The following BMS1 variants were observed in gnomAD, a reference collection of about 807,000 sequenced individuals.
BMS1 encodes the protein ribosome biogenesis protein BMS1 homolog.
A neutral mutation model predicts 138.7 loss-of-function variants in BMS1; 53 were observed. That is an observed-to-expected ratio of 0.38 (90% CI 0.31 to 0.48). The LOEUF (loss-of-function observed/expected upper bound fraction) is 0.48, where lower values mean the gene tolerates loss of function less well. Ranked by LOEUF, BMS1 falls within the 20% of genes least tolerant of loss-of-function variation. The pLI, the probability that BMS1 is intolerant of heterozygous loss-of-function variation, is 0.97. For synonymous variants in BMS1, 504 were observed against 539.9 expected (o/e 0.93, Z 0.92); for missense variants, 1,360 against 1,565.5 (o/e 0.87, Z 2.22).
rs777059603 is a variant in BMS1, at chr10:42,785,616, G to A, written c.311G>A (p.Arg104Gln). 8 of 1,613,782 alleles carry A rather than the reference G, an allele frequency of 5.0e-6. No homozygotes were observed. Among genetic ancestry groups the A allele is most frequent in the African/African-American group, 2.7e-5 (2 of 74,890 alleles). Residue 104 changes from arginine to glutamine, a missense_variant, in exon 3 of 23, where the codon CGG becomes CAG. Arg to Gln is a conservative substitution (Grantham distance 43). Coordinates refer to ENST00000374518, the MANE Select transcript of BMS1 (RefSeq NM_014753.4). ...AGCACTTTGATACAATGCCTCATTCGGAACTTTACCCGGCAGAAGTTGACT... is the reference window on the plus strand; with the variant it reads ...AGCACTTTGATACAATGCCTCATTCAGAACTTTACCCGGCAGAAGTTGACT... ...GKSTLIQCLI[R>Q]NFTRQKLTEI...
chr10:42,795,373 G>A (rs1841647707), intron 9 of BMS1, among the ~76,000 whole-genome samples: 2 of 151,822 alleles, frequency 1.3e-5, no homozygotes, highest in East Asian at 3.9e-4. Context: ...AGGCTGGAGT[G>A]CAGTGGTATG....
At chr10:42,829,346 T>C (rs191519660) in intron 21 of BMS1, among the ~76,000 whole-genome samples, 44 of 152,196 alleles carry the variant, frequency 2.9e-4, no homozygotes, top group African/African-American at 1.0e-3. Flanking sequence ...CAATTAAATA[T>C]AGAATTTAAG....
chr10:42,815,070 A>G (rs1024777606), intron 13 of BMS1, among the ~76,000 whole-genome samples: 8 of 152,072 alleles, frequency 5.3e-5, no homozygotes, highest in East Asian at 3.8e-4. Context: ...TCTCCTGTCT[A>G]TTATTTCTTA....
chr10:42,834,116 G>A lies in BMS1; in HGVS notation c.*3020G>A, dbSNP rs1842839893. On this transcript the variant is annotated 3_prime_UTR_variant, in exon 23 of 23. Transcript: ENST00000374518. ...ATTTACTAGGCACAGGCAGCCATAG[G>A]TGCTAGGTATGTTTTGAAAACATAT... 6.6e-6 allele frequency: 1 copy of A among 152,148 alleles called. No homozygotes were observed. The highest frequency in any genetic ancestry group is 1.5e-5 in the Non-Finnish European group (1 of 68,040). The allele number at this position is 152,148 out of a possible 1,614,324, so 9.4% of individuals were successfully genotyped here.
intron 6 of BMS1, 139 bp downstream of exon 6, chr10:42,791,908 C>G: frequency 9.1e-7 from 1 of 1,093,804 alleles, no homozygotes; most frequent in Non-Finnish European, 1.3e-6. Context: ...AAAATGTCTA[C>G]TTATATCATT....
At chr10:42,811,985 T>C (rs1842198751) in intron 13 of BMS1, among the ~76,000 whole-genome samples, 1 of 152,260 alleles carries the variant, frequency 6.6e-6, no homozygotes, top group South Asian at 2.1e-4. Context: ...CATATTCTTA[T>C]GAGTTGAATT....
intron 12 of BMS1, among the ~76,000 whole-genome samples, chr10:42,800,004 C>A (rs922445116): frequency 6.6e-6 from 1 of 152,098 alleles, no homozygotes; most frequent in Non-Finnish European, 1.5e-5. Flanking sequence ...TCTGGAGTTT[C>A]CCAGGCCCTC....
At position 42,797,473 on chromosome 10, in the gene BMS1, T is replaced by A. The variant is rs1010647349; in HGVS notation, c.2039T>A (p.Leu680Gln). ...TCCAGAAAGGCAGCTGAGGCCTTTC[T>A]GAGGCAGCAGCAAGCAGCTCCAAAC... ...DLSRKAAEAFLRQQQAAPNLR... is the reference protein window; with the variant it reads ...DLSRKAAEAFQRQQQAAPNLR... Residue 680 changes from leucine to glutamine, a missense_variant, in exon 11 of 23, where the codon CTG (leucine) becomes CAG (glutamine). Coordinates refer to ENST00000374518, the MANE Select transcript of BMS1 (RefSeq NM_014753.4). 6.8e-6 allele frequency: 11 copies of A among 1,614,130 alleles called. No individual in the cohort carries two copies. Among genetic ancestry groups the A allele is most frequent in the Non-Finnish European group, 9.3e-6 (11 of 1,180,048 alleles).
chr10:42,823,018 T>G (rs1167583438), intron 19 of BMS1, 100 bp from the exon 20 acceptor site: 1 of 1,222,414 alleles, frequency 8.2e-7, no homozygotes, highest in Non-Finnish European at 1.1e-6. Context: ...TTCAGTGAGT[T>G]GTTTTTGTTC....
chr10:42,798,681 A>G (rs1410029588), intron 12 of BMS1, 56 bp downstream of exon 12: 6 of 1,592,832 alleles, frequency 3.8e-6, no homozygotes, highest in Non-Finnish European at 5.2e-6. Flanking sequence ...GTTCTAGAAT[A>G]AGATTATCTG....
intron 2 of BMS1, among the ~76,000 whole-genome samples, chr10:42,785,136 G>A (rs1266248939): frequency 6.6e-6 from 1 of 152,140 alleles, no homozygotes; most frequent in African/African-American, 2.4e-5. Context: ...TATCTGCTAT[G>A]ATGTACTGCC....
intron 4 of BMS1, among the ~76,000 whole-genome samples, chr10:42,789,390 A>G (rs1158214461): frequency 6.6e-6 from 1 of 151,730 alleles, no homozygotes; most frequent in Non-Finnish European, 1.5e-5. Context: ...TTAATCAAAG[A>G]TGGGCATTTC....
chr10:42,785,615 C>T lies in BMS1; in HGVS notation c.310C>T (p.Arg104Trp), dbSNP rs768970108. The T allele has an allele frequency of 7.6e-5, 122 of 1,613,722 alleles. No homozygotes were observed. The Admixed American group carries it at 1.4e-3, about 19-fold the overall frequency. Reference protein sequence around the residue: ...GKSTLIQCLIRNFTRQKLTEI... With the variant: ...GKSTLIQCLIWNFTRQKLTEI... Reference sequence around the variant, plus strand: ...GAGCACTTTGATACAATGCCTCATTCGGAACTTTACCCGGCAGAAGTTGAC... The same window carrying T: ...GAGCACTTTGATACAATGCCTCATTTGGAACTTTACCCGGCAGAAGTTGAC... Residue 104 changes from arginine (R) to tryptophan (W), a missense_variant, in exon 3 of 23, where the codon CGG becomes TGG. By Grantham distance (101) the Arg-to-Trp change is moderately radical. This residue lies in a region of BMS1 where 238 missense variants were observed against 311.1 expected (regional missense o/e 0.77). Coordinates refer to ENST00000374518, the MANE Select transcript of BMS1 (RefSeq NM_014753.4).
rs781697087 is a variant in BMS1 at position 42,787,178 on chromosome 10, C to T, written c.378C>T (p.Arg126=). 42 of 1,237,618 alleles carry T rather than the reference C, an allele frequency of 3.4e-5. No individual in the cohort carries two copies. The Admixed American group carries it at 7.1e-4, about 21-fold the overall frequency. 76.7% of individuals were successfully genotyped at this position (1,237,618 alleles called of 1,614,324 possible). ...GPVTIVSGKK[R]RLTIIECGCD... is the part of the protein sequence containing the mutation. ...TCTTTTCACTTATAGGTAAAAAGCG[C>T]AGACTCACCATTATTGAATGTGGGT... The change falls in exon 4 of 23, where the codon CGC becomes CGT. Residue 126 remains arginine (R), a synonymous_variant. Coordinates refer to ENST00000374518, the MANE Select transcript of BMS1 (RefSeq NM_014753.4).
chr10:42,827,423 G>A (rs767570462), intron 21 of BMS1, among the ~76,000 whole-genome samples: 12 of 152,158 alleles, frequency 7.9e-5, no homozygotes, highest in Non-Finnish European at 1.8e-4. Context: ...GGGTGATATA[G>A]AGCAACAAAG....
chr10:42,826,237 T>TTTGTG (rs1491373880), intron 21 of BMS1, among the ~76,000 whole-genome samples: 1 of 145,648 alleles, frequency 6.9e-6, no homozygotes. Context: ...TTTTTGTTTG[T>TTTGTG]TGTGTGTGTG....
At chr10:42,804,585 T>A (rs1385987332) in intron 13 of BMS1, among the ~76,000 whole-genome samples, 1 of 152,200 alleles carries the variant, frequency 6.6e-6, no homozygotes, top group Non-Finnish European at 1.5e-5. Flanking sequence ...TCTAAGAAAT[T>A]TTGTGTATTT....
At chr10:42,796,254 C>T (rs1841679059) in intron 9 of BMS1, among the ~76,000 whole-genome samples, 1 of 152,112 alleles carries the variant, frequency 6.6e-6, no homozygotes, top group Non-Finnish European at 1.5e-5. Flanking sequence ...CCTTTATTCT[C>T]TCTATAAGTT....
rs1347893561 is a variant in BMS1, at chr10:42,792,732, AAAGT to A, written c.901+122_901+125del. 6.1e-6 allele frequency: 9 copies of A among 1,475,074 alleles called. No individual in the cohort carries two copies. The East Asian group carries it at 1.8e-4, about 30-fold the overall frequency. 91.4% of individuals were successfully genotyped at this position (1,475,074 alleles called of 1,614,324 possible). On this transcript the variant is annotated intron_variant, in intron 7 of 22. Transcript: ENST00000374518. ...GAAGATGGCCTTGCTGGAGGTTTTA[AAAGT>A]AAGCCACCTATGTGTAGGCCTGCAA...
Sources: gnomAD v4.1 joint callset for allele counts (sites outside exome capture counted in the v4.1 genomes callset) on GRCh38, gnomAD v4.1.1 for gene constraint, gnomAD v4.1.1 regional missense constraint, MANE v1.5 for transcripts, NCBI Gene and HGNC (gene_info 2026-07-23, HGNC 2026-07-21) for gene names.